ADCK2: variants seen among roughly 807,000 people sequenced by gnomAD.
ADCK2 encodes the protein uncharacterized aarF domain-containing protein kinase 2.
In ADCK2, 37 loss-of-function variants were observed where a neutral mutation model predicts 52.3. The observed-to-expected ratio is 0.71, with a 90% CI of 0.54 to 0.93. The LOEUF (loss-of-function observed/expected upper bound fraction) is 0.93, where lower values mean the gene tolerates loss of function less well. Ranked by LOEUF, ADCK2 falls within the 40% of genes least tolerant of loss-of-function variation. The pLI is 0.00. For synonymous variants in ADCK2, 321 were observed against 349.2 expected, an observed-to-expected ratio of 0.92 and a Z score of 0.90; for missense variants, 695 against 798.7, an observed-to-expected ratio of 0.87 and a Z score of 1.56.
At chr7:140,680,518 C>A (rs1162643122) in intron 3 of ADCK2, among the ~76,000 whole-genome samples, 1 of 149,104 alleles carries the variant, frequency 6.7e-6, no homozygotes, top group Non-Finnish European at 1.5e-5. Context: ...TTGGCTGATT[C>A]TTGCCCAGAA....
Position 140,695,002 on chromosome 7 carries a change from G to C in ADCK2, c.*199G>C. ...TTGGGCCAATTAGGGAGTAAAAGGA[G>C]GGAAGGGGCCTATCCATTCCATTGT... On this transcript the variant is annotated 3_prime_UTR_variant, in exon 8 of 8. Coordinates refer to ENST00000072869, the MANE Select transcript of ADCK2 (RefSeq NM_052853.4). The C allele has an allele frequency of 7.5e-7, 1 of 1,339,212 alleles. No homozygotes were observed. The highest frequency in any genetic ancestry group is 9.5e-7 in the Non-Finnish European group (1 of 1,047,778). The allele number at this position is 1,339,212 out of a possible 1,614,324, so 83.0% of individuals were successfully genotyped here. A position where few individuals can be genotyped will look rare whatever the true frequency, so the allele number is the denominator to read the frequency against.
rs1585843873 is a variant in ADCK2, at chr7:140,678,055, C to T, written c.1081-1100C>T. Among the ~76,000 whole-genome samples, 1 of 152,202 alleles carries T rather than the reference C, an allele frequency of 6.6e-6. No homozygotes were observed. The highest frequency in any genetic ancestry group is 2.1e-4 in the South Asian group (1 of 4,822). ...GCCATTCTAAGGAGTGCAGACTTCA[C>T]CATGCAGGTAATGGATTGGAGAGGA... On this transcript the variant is annotated intron_variant, in intron 2 of 7. Transcript: ENST00000072869. This position sits in a 1 kb window ranked among gnomAD's most constrained non-coding sequence, Gnocchi z 4.9.
At chr7:140,680,643 T>C (rs1794500146) in intron 3 of ADCK2, among the ~76,000 whole-genome samples, 1 of 152,194 alleles carries the variant, frequency 6.6e-6, no homozygotes, top group Non-Finnish European at 1.5e-5. Flanking sequence ...ATCCTTCTGA[T>C]AGCTGTTATA....
Position 140,678,283 on chromosome 7 carries a change from C to T in ADCK2, c.1081-872C>T, listed in dbSNP as rs113273809. On this transcript the variant is annotated intron_variant, in intron 2 of 7. Transcript: ENST00000072869. The surrounding 1 kb of genome is among the most constrained non-coding windows in gnomAD (Gnocchi z 4.9). ...CTGGGGACTCAAAGGTGACTGAGTG[C>T]GTGGGGATGGTGAAGGGAAATTCCA... Among the ~76,000 whole-genome samples, 1,661 of 152,130 alleles carry T rather than the reference C, an allele frequency of 0.011. 39 individuals are homozygous for T. Among genetic ancestry groups the T allele is most frequent in the African/African-American group, 0.038 (1,563 of 41,476 alleles).
At chr7:140,680,741 T>G (rs377362271) in intron 3 of ADCK2, among the ~76,000 whole-genome samples, 66 of 152,314 alleles carry the variant, frequency 4.3e-4, no homozygotes, top group African/African-American at 1.5e-3. Context: ...TCACTCAGGC[T>G]AGAGTGCAGT....
chr7:140,690,305 C>T (rs967821550), intron 6 of ADCK2, among the ~76,000 whole-genome samples: 18 of 152,080 alleles, frequency 1.2e-4, no homozygotes, highest in South Asian at 4.1e-4. Flanking sequence ...CGGATTCAAG[C>T]GATTCTCCTG....
In ADCK2 at chr7:140,683,233, C is replaced by T. The variant is rs868614839; in HGVS notation, c.1305+2096C>T. The stretch of plus-strand genomic sequence containing the variant: ...CCAGGAGGCAGAGATTGCAGTGAGC[C>T]GAGATCACAGCACTGCACTCCAGCC... On this transcript the variant is annotated intron_variant, in intron 4 of 7. Transcript: ENST00000072869. Among the ~76,000 whole-genome samples the T allele has an allele frequency of 8.5e-5, 13 of 152,134 alleles. No homozygotes were observed. In the South Asian group the frequency reaches 2.1e-3, roughly 24 times the overall value.
chr7:140,677,228 C>T (rs1221904588), intron 2 of ADCK2, among the ~76,000 whole-genome samples: 7 of 151,944 alleles, frequency 4.6e-5, no homozygotes, highest in Admixed American at 1.3e-4. Context: ...GCCAACATGG[C>T]GAAACACTGT....
At chr7:140,682,114 G>A (rs564580939) in intron 4 of ADCK2, among the ~76,000 whole-genome samples, 3 of 152,340 alleles carry the variant, frequency 2.0e-5, no homozygotes, top group East Asian at 3.9e-4. Context: ...ATTAAGGGCT[G>A]GGGTTACAGC....
chr7:140,680,825 C>G (rs564414102), intron 3 of ADCK2, among the ~76,000 whole-genome samples: 40 of 152,196 alleles, frequency 2.6e-4, no homozygotes, highest in African/African-American at 9.6e-4. Flanking sequence ...CCAGGCTGGT[C>G]TTGAACCCCT....
chr7:140,685,704 A>G (rs1239182255), intron 4 of ADCK2, among the ~76,000 whole-genome samples: 2 of 152,122 alleles, frequency 1.3e-5, no homozygotes, highest in African/African-American at 4.8e-5. Flanking sequence ...TTTACAGGGA[A>G]GAGGGGATCT....
In ADCK2 at chr7:140,678,480, C is replaced by T. The variant is rs1247299191; in HGVS notation, c.1081-675C>T. 1.3e-5 allele frequency among the ~76,000 whole-genome samples: 2 copies of T among 152,090 alleles called. No homozygotes were observed. Among genetic ancestry groups the T allele is most frequent in the East Asian group, 1.9e-4 (1 of 5,182 alleles). ...GTCAAGGGGACACACACGCTCACTT[C>T]GGTCAGGAGAAAGGACATCAGCTCC... is the stretch of plus-strand genomic sequence containing the variant. On this transcript the variant is annotated intron_variant, in intron 2 of 7. Coordinates refer to ENST00000072869, the MANE Select transcript of ADCK2 (RefSeq NM_052853.4). This position sits in a 1 kb window ranked among gnomAD's most constrained non-coding sequence, Gnocchi z 4.9.
chr7:140,680,947 A>T, intron 3 of ADCK2, 95 bp from the exon 4 acceptor site: 1 of 1,077,358 alleles, frequency 9.3e-7, no homozygotes, highest in Non-Finnish European at 1.4e-6. Flanking sequence ...ACTTCCCAAT[A>T]AGTGAGAAGA....
chr7:140,682,136 C>T (rs1454480898), intron 4 of ADCK2, among the ~76,000 whole-genome samples: 1 of 152,246 alleles, frequency 6.6e-6, no homozygotes, highest in African/African-American at 2.4e-5. Context: ...GTGAGCAAAA[C>T]AGACACAATT....
At chr7:140,683,618 G>A (rs1337803044) in intron 4 of ADCK2, among the ~76,000 whole-genome samples, 1 of 152,186 alleles carries the variant, frequency 6.6e-6, no homozygotes, top group East Asian at 1.9e-4. Flanking sequence ...AGGCCCCCCA[G>A]CTGAAGAGGG....
chr7:140,680,716 G>A (rs1585846305), intron 3 of ADCK2, among the ~76,000 whole-genome samples: 1 of 152,220 alleles, frequency 6.6e-6, no homozygotes, highest in East Asian at 1.9e-4. Context: ...TGTTTTGTTT[G>A]AGACAGAGTC....
chr7:140,677,263 C>T (rs2130780883), intron 2 of ADCK2, among the ~76,000 whole-genome samples: 1 of 152,134 alleles, frequency 6.6e-6, no homozygotes, highest in South Asian at 2.1e-4. Flanking sequence ...CAAAAATTAG[C>T]CGGGCATGGT....
rs150963091 is a variant in ADCK2, at chr7:140,679,165, G to A, written c.1091G>A (p.Arg364His). The change falls in exon 3 of 8, where the codon CGT becomes CAT. Residue 364 changes from arginine (R) to histidine (H), a missense_variant. By Grantham distance (29) the Arg-to-His change is conservative. Coordinates refer to ENST00000072869, the MANE Select transcript of ADCK2 (RefSeq NM_052853.4). ...TCCATTTCTCTGTAGATTGACCTGCGTTACGAAGCTCAGAATCTAGAACAC... is the reference window on the plus strand; with the variant it reads ...TCCATTTCTCTGTAGATTGACCTGCATTACGAAGCTCAGAATCTAGAACAC... ...EKLMVQQIDL[R>H]YEAQNLEHFQ... The A allele has an allele frequency of 1.5e-5, 25 of 1,614,022 alleles. No individual in the cohort carries two copies. The highest frequency in any genetic ancestry group is 6.7e-5 in the East Asian group (3 of 44,878).
At position 140,687,142 on chromosome 7, in the gene ADCK2, G is replaced by T; in HGVS notation, c.1458G>T (p.Pro486=). The change falls in exon 5 of 8, where the codon CCG becomes CCT. Residue 486 remains proline, a synonymous_variant. Coordinates refer to ENST00000072869, the MANE Select transcript of ADCK2 (RefSeq NM_052853.4). ...LVVAVPSSLC[P]LRLVLLDAGI... Reference sequence around the variant, plus strand: ...TGGCCGTGCCATCTTCCCTCTGCCCGCTGCGACTGGTGCTGCTGGATGCTG... The same window carrying T: ...TGGCCGTGCCATCTTCCCTCTGCCCTCTGCGACTGGTGCTGCTGGATGCTG... The T allele has an allele frequency of 6.2e-7, 1 of 1,612,876 alleles. No homozygotes were observed. The highest frequency in any genetic ancestry group is 8.5e-7 in the Non-Finnish European group (1 of 1,179,452).
Sources: gnomAD v4.1 joint callset for allele counts (sites outside exome capture counted in the v4.1 genomes callset) on GRCh38, gnomAD v4.1.1 for gene constraint, Gnocchi (gnomAD v3.1) non-coding constraint, MANE v1.5 for transcripts, NCBI Gene and HGNC (gene_info 2026-07-23, HGNC 2026-07-21) for gene names.